SLC35F3: variants seen among roughly 807,000 people sequenced by gnomAD.
SLC35F3 encodes putative thiamine transporter SLC35F3.
A neutral mutation model predicts 49.9 loss-of-function variants in SLC35F3; 25 were observed. The observed-to-expected ratio is 0.50, with a 90% CI of 0.37 to 0.70. SLC35F3 has a LOEUF of 0.70. Ranked by LOEUF, SLC35F3 falls within the 30% of genes least tolerant of loss-of-function variation. SLC35F3 has a pLI of 0.00. For synonymous variants in SLC35F3, 275 were observed against 265.4 expected, an observed-to-expected ratio of 1.04 and a Z score of -0.35; for missense variants, 525 against 639.8, an observed-to-expected ratio of 0.82 and a Z score of 1.94.
intron 3 of SLC35F3, among the ~76,000 whole-genome samples, chr1:234,290,007 T>G (rs1041370010): frequency 6.6e-6 from 1 of 152,124 alleles, no homozygotes; most frequent in Non-Finnish European, 1.5e-5. Context: ...AAGAACAAAA[T>G]TGGAAACTAT....
At chr1:233,993,337 A>T (rs1160050850) in intron 2 of SLC35F3, among the ~76,000 whole-genome samples, 1 of 152,182 alleles carries the variant, frequency 6.6e-6, no homozygotes. Context: ...CCAGGGAAGT[A>T]GAACTCACCC....
At chr1:234,149,167 C>T (rs537801562) in intron 2 of SLC35F3, among the ~76,000 whole-genome samples, 18 of 152,244 alleles carry the variant, frequency 1.2e-4, no homozygotes, top group African/African-American at 4.3e-4. Context: ...AGAACCAAGT[C>T]CTGACACAGG....
intron 2 of SLC35F3, among the ~76,000 whole-genome samples, chr1:233,913,710 C>G (rs1241959868): frequency 6.6e-6 from 1 of 152,230 alleles, no homozygotes; most frequent in Non-Finnish European, 1.5e-5. Flanking sequence ...CCAGAATTAT[C>G]CTGCATAGAA....
At chr1:234,232,442 A>G (rs889619323) in intron 3 of SLC35F3, among the ~76,000 whole-genome samples, 3 of 145,650 alleles carry the variant, frequency 2.1e-5, no homozygotes, top group Non-Finnish European at 4.5e-5. Context: ...ATCTGTGCCA[A>G]TTAAGAGCAT....
intron 2 of SLC35F3, among the ~76,000 whole-genome samples, chr1:234,031,586 C>G (rs1664063658): frequency 6.6e-6 from 1 of 152,182 alleles, no homozygotes; most frequent in South Asian, 2.1e-4. Flanking sequence ...ACTCTGTCAC[C>G]CAGGCTGGAG....
chr1:234,018,964 A>G (rs1663850142), intron 2 of SLC35F3, among the ~76,000 whole-genome samples: 1 of 152,238 alleles, frequency 6.6e-6, no homozygotes, highest in African/African-American at 2.4e-5. Flanking sequence ...TGATAATTCA[A>G]GAAATAGCAG....
chr1:233,919,273 A>G (rs886962430), intron 2 of SLC35F3, among the ~76,000 whole-genome samples: 1 of 152,154 alleles, frequency 6.6e-6, no homozygotes, highest in Non-Finnish European at 1.5e-5. Context: ...AAAGGGCAGC[A>G]CTTGTCGTTG....
chr1:234,043,280 A>G (rs1300100188), intron 2 of SLC35F3, among the ~76,000 whole-genome samples: 5 of 152,186 alleles, frequency 3.3e-5, no homozygotes, highest in Non-Finnish European at 4.4e-5. Context: ...ATTCTTAAAA[A>G]TTATTCAAGA....
In SLC35F3 at chr1:234,299,823, A is replaced by AG. The variant is rs1553262674; in HGVS notation, c.609-9278_609-9277insG. ...CCATCTCAAAAAAAAAAAAAAAAAAAAGAGAAGAAAAAAAATTGTTAAGAT... is the reference window on the plus strand; with the variant it reads ...CCATCTCAAAAAAAAAAAAAAAAAAAGAGAGAAGAAAAAAAATTGTTAAGAT... On this transcript the variant is annotated intron_variant, in intron 3 of 7. Coordinates refer to ENST00000366618, the MANE Select transcript of SLC35F3 (RefSeq NM_173508.4). 9.8e-4 allele frequency among the ~76,000 whole-genome samples: 147 copies of AG among 150,520 alleles called. No individual in the cohort carries two copies. The East Asian group carries it at 0.026, about 26-fold the overall frequency.
chr1:233,969,314 C>T (rs1377810369), intron 2 of SLC35F3, among the ~76,000 whole-genome samples: 2 of 152,174 alleles, frequency 1.3e-5, no homozygotes, highest in Middle Eastern at 3.2e-3. Flanking sequence ...GCAGTGGCCG[C>T]GTGTGCGGTC....
chr1:234,115,324 G>T (rs1665470628), intron 2 of SLC35F3, among the ~76,000 whole-genome samples: 1 of 152,164 alleles, frequency 6.6e-6, no homozygotes, highest in African/African-American at 2.4e-5. Flanking sequence ...TGGACTTGTG[G>T]TGCTTTGGAA....
chr1:234,009,147 G>A (rs1353455757), intron 2 of SLC35F3, among the ~76,000 whole-genome samples: 1 of 152,126 alleles, frequency 6.6e-6, no homozygotes, highest in South Asian at 2.1e-4. Context: ...TCGAAAAAAA[G>A]CAGACCAGAG....
At chr1:234,131,761 GC>G (rs1314503588) in intron 2 of SLC35F3, among the ~76,000 whole-genome samples, 1 of 152,158 alleles carries the variant, frequency 6.6e-6, no homozygotes, top group Non-Finnish European at 1.5e-5. Context: ...GAGGGGAGTA[GC>G]TTTTAATAGA....
chr1:234,231,937 C>T lies in SLC35F3; in HGVS notation c.608+196C>T, dbSNP rs1667386199. 1.3e-5 allele frequency among the ~76,000 whole-genome samples: 2 copies of T among 152,164 alleles called. No homozygotes were observed. The highest frequency in any genetic ancestry group is 4.8e-5 in the African/African-American group (2 of 41,420). On this transcript the variant is annotated intron_variant, in intron 3 of 7. Coordinates refer to ENST00000366618, the MANE Select transcript of SLC35F3 (RefSeq NM_173508.4). The surrounding 1 kb of genome is among the most constrained non-coding windows in gnomAD (Gnocchi z 5.4). ...TACCCTGGGTAGTGAACGCCTCCTT[C>T]CTCTACCTCCTGCCCCTCAGCCCTG...
At chr1:234,034,515 A>G (rs1052520394) in intron 2 of SLC35F3, among the ~76,000 whole-genome samples, 5 of 151,870 alleles carry the variant, frequency 3.3e-5, no homozygotes, top group African/African-American at 1.2e-4. Context: ...TTATTTATTC[A>G]TTCATTCATT....
At chr1:234,275,287 G>A (rs539151423) in intron 3 of SLC35F3, among the ~76,000 whole-genome samples, 59 of 151,432 alleles carry the variant, frequency 3.9e-4, no homozygotes, top group African/African-American at 1.3e-3. Context: ...CTTGGGTTCC[G>A]TCCCCTGAGA....
At chr1:234,005,434 C>T (rs1244912833) in intron 2 of SLC35F3, among the ~76,000 whole-genome samples, 4 of 152,064 alleles carry the variant, frequency 2.6e-5, no homozygotes, top group Admixed American at 2.0e-4. Context: ...GGATTGTTTC[C>T]CTGCCTCCTG....
intron 3 of SLC35F3, among the ~76,000 whole-genome samples, chr1:234,283,381 A>G (rs1227012361): frequency 6.6e-6 from 1 of 152,212 alleles, no homozygotes; most frequent in Non-Finnish European, 1.5e-5. Flanking sequence ...CATTACTGTC[A>G]TTTTCTCCAT....
chr1:234,153,081 T>C (rs1666099475), intron 2 of SLC35F3, among the ~76,000 whole-genome samples: 1 of 152,200 alleles, frequency 6.6e-6, no homozygotes, highest in Admixed American at 6.5e-5. Context: ...GTAAAGGAAG[T>C]GTCATCCTAG....
Sources: gnomAD v4.1 joint callset for allele counts (sites outside exome capture counted in the v4.1 genomes callset) on GRCh38, gnomAD v4.1.1 for gene constraint, Gnocchi (gnomAD v3.1) non-coding constraint, MANE v1.5 for transcripts, NCBI Gene and HGNC (gene_info 2026-07-23, HGNC 2026-07-21) for gene names.